Variants in FBXL16 observed in about 807,000 individuals in gnomAD.
The protein encoded by FBXL16 is F-box/LRR-repeat protein 16.
A neutral mutation model predicts 36.7 loss-of-function variants in FBXL16; 7 were observed. The ratio of observed to expected loss-of-function variants is 0.19; its 90% CI spans 0.11 to 0.36. The LOEUF is 0.36. Ranked by LOEUF, FBXL16 falls within the 10% of genes least tolerant of loss-of-function variation. FBXL16 has a pLI of 1.00. For synonymous variants in FBXL16, 355 were observed against 308.7 expected, an observed-to-expected ratio of 1.15 and a Z score of -1.57; for missense variants, 463 against 659.4, an observed-to-expected ratio of 0.70 and a Z score of 3.26.
intron 1 of FBXL16, among the ~76,000 whole-genome samples, chr16:701,615 C>G (rs111287434): frequency 1.3e-5 from 2 of 151,996 alleles, no homozygotes; most frequent in Non-Finnish European, 2.9e-5. Context: ...GCCCCACCCA[C>G]CCAGCCAGAC....
intron 1 of FBXL16, among the ~76,000 whole-genome samples, chr16:703,317 C>G (rs2040069847): frequency 6.6e-6 from 1 of 152,216 alleles, no homozygotes; most frequent in African/African-American, 2.4e-5. Flanking sequence ...ACCTCCTCAC[C>G]CCTCAGCGCC....
Position 695,735 on chromosome 16 carries a change from G to T in FBXL16, c.822C>A (p.Ser274Arg). 6.2e-7 allele frequency: 1 copy of T among 1,603,126 alleles called. No individual in the cohort carries two copies. Residue 274 changes from serine (S) to arginine (R), a missense_variant, in exon 3 of 6, where the codon AGC becomes AGA. This residue lies in a region of FBXL16 where 66 missense variants were observed against 146.3 expected (regional missense o/e 0.45). Coordinates refer to ENST00000397621, the MANE Select transcript of FBXL16 (RefSeq NM_153350.4). ...SQLLPNLAEL[S>R]LQAYHVTDTA... Reference sequence around the variant, plus strand: ...TGTCCGTCACGTGGTAGGCCTGCAGGCTCAGCTCCGCCAGGTTGGGCAGCA... The same window carrying T: ...TGTCCGTCACGTGGTAGGCCTGCAGTCTCAGCTCCGCCAGGTTGGGCAGCA...
chr16:704,816 GGC>G (rs1253792319), intron 1 of FBXL16, among the ~76,000 whole-genome samples: 1 of 152,240 alleles, frequency 6.6e-6, no homozygotes, highest in Non-Finnish European at 1.5e-5. Context: ...GGCCTGGAGT[GGC>G]CGCTGGGCCG....
At chr16:698,671 C>T (rs1161826017) in intron 1 of FBXL16, among the ~76,000 whole-genome samples, 1 of 152,112 alleles carries the variant, frequency 6.6e-6, no homozygotes, top group Non-Finnish European at 1.5e-5. Flanking sequence ...AATTCTAGCA[C>T]TTTGGGAGGC....
intron 1 of FBXL16, among the ~76,000 whole-genome samples, chr16:704,549 G>A (rs935163323): frequency 2.0e-5 from 3 of 152,220 alleles, no homozygotes; most frequent in Non-Finnish European, 4.4e-5. Flanking sequence ...GCCCTGGTCC[G>A]GGAGACAGAA....
intron 1 of FBXL16, among the ~76,000 whole-genome samples, chr16:701,459 A>G (rs932797510): frequency 6.6e-6 from 1 of 152,206 alleles, no homozygotes; most frequent in Non-Finnish European, 1.5e-5. Context: ...CCGTAGCTCA[A>G]AAATGCAAAC....
chr16:695,366 G>C lies in FBXL16; in HGVS notation c.1142+49C>G, dbSNP rs536009239. On this transcript the variant is annotated intron_variant, in intron 3 of 5. Coordinates refer to ENST00000397621, the MANE Select transcript of FBXL16 (RefSeq NM_153350.4). ...GCAGCCCCGCCCCGCCCCGCCCCGT[G>C]CAGCCCCGCCCGGCCCAGCCCCGCC... 5.9e-4 allele frequency: 787 copies of C among 1,326,738 alleles called. 2 individuals carry two copies. The highest frequency in any genetic ancestry group is 2.7e-3 in the Middle Eastern group (9 of 3,394). 82.2% of individuals were successfully genotyped at this position (1,326,738 alleles called of 1,614,324 possible).
At chr16:702,267 TC>T (rs1415447071) in intron 1 of FBXL16, among the ~76,000 whole-genome samples, 2 of 152,018 alleles carry the variant, frequency 1.3e-5, no homozygotes, top group African/African-American at 4.8e-5. Context: ...CACACGCCGT[TC>T]CCCCTGCTTG....
intron 1 of FBXL16, among the ~76,000 whole-genome samples, chr16:704,673 C>T (rs1485009079): frequency 6.6e-6 from 1 of 151,584 alleles, no homozygotes; most frequent in African/African-American, 2.4e-5. Context: ...GCCTGAGCTG[C>T]CCCTGGCCAT....
At position 697,334 on chromosome 16, in the gene FBXL16, C is replaced by T. The variant is rs377059129; in HGVS notation, c.72G>A (p.Pro24=). 65 of 1,535,632 alleles carry T rather than the reference C, an allele frequency of 4.2e-5. No individual in the cohort carries two copies. The East Asian group carries it at 1.0e-3, about 24-fold the overall frequency. ...CCGCACCCAGGCCGTTGGGCTGGCC[C>T]GGCAGCTTCACCAGACCGTTTCGAG... ...CLPRNGLVKL[P]GQPNGLGAAS... is the part of the protein sequence containing the mutation. Residue 24 remains proline, a synonymous_variant, in exon 2 of 6, where the codon CCG becomes CCA. Coordinates refer to ENST00000397621, the MANE Select transcript of FBXL16 (RefSeq NM_153350.4). This position sits in a 1 kb window ranked among gnomAD's most constrained non-coding sequence, Gnocchi z 4.6.
chr16:694,918 A>T (rs906930459), intron 4 of FBXL16, 74 bp downstream of exon 4: 116 of 1,419,280 alleles, frequency 8.2e-5, no homozygotes, highest in Non-Finnish European at 7.3e-5. Context: ...CCAGGATCTG[A>T]GTGGGGCCGG....
intron 1 of FBXL16, among the ~76,000 whole-genome samples, chr16:701,589 C>T (rs573822450): frequency 4.6e-5 from 7 of 152,190 alleles, no homozygotes; most frequent in Non-Finnish European, 7.3e-5. Flanking sequence ...GGCCCCTCTG[C>T]TTGGCCCTGG....
intron 2 of FBXL16, 165 bp from the exon 3 acceptor site, chr16:696,088 G>T: frequency 9.5e-7 from 1 of 1,053,422 alleles, no homozygotes; most frequent in Admixed American, 3.1e-5. Context: ...GCCAGGGCAG[G>T]TGCTGGGGGC....
chr16:697,213 A>G lies in FBXL16; in HGVS notation c.193T>C (p.Ser65Pro). Residue 65 changes from serine (S) to proline (P), a missense_variant, in exon 2 of 6, where the codon TCC (serine) becomes CCC (proline). Physicochemically the swap from Ser to Pro is moderately conservative, Grantham distance 74. Around this residue, in one of 3 missense-constraint regions of FBXL16, gnomAD observed 263 missense variants for 341.1 expected, o/e 0.77. Coordinates refer to ENST00000397621, the MANE Select transcript of FBXL16 (RefSeq NM_153350.4). This position sits in a 1 kb window ranked among gnomAD's most constrained non-coding sequence, Gnocchi z 4.6. ...LPPPSLAAPL[S>P]RAALAGGPCT... ...GGGCCCCCAGCCAGGGCAGCCCGGGACAGTGGAGCAGCCAGGCTGGGTGGT... is the reference window on the plus strand; with the variant it reads ...GGGCCCCCAGCCAGGGCAGCCCGGGGCAGTGGAGCAGCCAGGCTGGGTGGT... 1 of 1,240,584 alleles carries G rather than the reference A, an allele frequency of 8.1e-7. No individual in the cohort carries two copies. The highest frequency in any genetic ancestry group is 1.3e-5 in the South Asian group (1 of 75,212). 76.8% of individuals were successfully genotyped at this position (1,240,584 alleles called of 1,614,324 possible).
chr16:694,194 C>T lies in FBXL16; in HGVS notation c.*81G>A. 1 of 1,041,986 alleles carries T rather than the reference C, an allele frequency of 9.6e-7. No homozygotes were observed. The highest frequency in any genetic ancestry group is 1.2e-6 in the Non-Finnish European group (1 of 811,310). 64.5% of individuals were successfully genotyped at this position (1,041,986 alleles called of 1,614,324 possible). A position where few individuals can be genotyped will look rare whatever the true frequency, so the allele number is the denominator to read the frequency against. On this transcript the variant is annotated 3_prime_UTR_variant, in exon 6 of 6. Coordinates refer to ENST00000397621, the MANE Select transcript of FBXL16 (RefSeq NM_153350.4). ...CGCGGGGGCTCCCCCGAGCGCAAGGCGGGAAGAGGGGGCTCGGCGGCGCCC... is the reference window on the plus strand; with the variant it reads ...CGCGGGGGCTCCCCCGAGCGCAAGGTGGGAAGAGGGGGCTCGGCGGCGCCC...
chr16:704,768 A>G (rs890512694), intron 1 of FBXL16, among the ~76,000 whole-genome samples: 3 of 152,134 alleles, frequency 2.0e-5, no homozygotes, highest in Non-Finnish European at 4.4e-5. Context: ...CCTCCTGCGG[A>G]GGGCAGGCTG....
chr16:703,546 G>T (rs1204597093), intron 1 of FBXL16, among the ~76,000 whole-genome samples: 1 of 152,232 alleles, frequency 6.6e-6, no homozygotes, highest in Non-Finnish European at 1.5e-5. Context: ...TGACAGCTGG[G>T]GTGGCTGGGG....
intron 1 of FBXL16, among the ~76,000 whole-genome samples, chr16:702,391 G>A (rs765590240): frequency 2.0e-5 from 3 of 152,174 alleles, no homozygotes; most frequent in East Asian, 1.9e-4. Flanking sequence ...TTGAGAAAGC[G>A]TCTCCAGGGT....
At position 697,426 on chromosome 16, in the gene FBXL16, A is replaced by T; in HGVS notation, c.-14-7T>A. On this transcript the variant is annotated splice_region_variant and splice_polypyrimidine_tract_variant and intron_variant, in intron 1 of 5. Transcript: ENST00000397621. This position sits in a 1 kb window ranked among gnomAD's most constrained non-coding sequence, Gnocchi z 4.6. ...GACATCTTCCTGGCACGCTCTGTGGATGAGGGCCGGGAGGGGGAGTGAGTC... is the reference window on the plus strand; with the variant it reads ...GACATCTTCCTGGCACGCTCTGTGGTTGAGGGCCGGGAGGGGGAGTGAGTC... The T allele has an allele frequency of 6.6e-7, 1 of 1,523,226 alleles. No individual in the cohort carries two copies. The highest frequency in any genetic ancestry group is 8.8e-7 in the Non-Finnish European group (1 of 1,140,190). 94.4% of individuals were successfully genotyped at this position (1,523,226 alleles called of 1,614,324 possible).
Sources: allele counts gnomAD v4.1 joint callset (sites outside exome capture counted in the v4.1 genomes callset), GRCh38; gene constraint gnomAD v4.1.1; regional missense constraint gnomAD v4.1.1; non-coding constraint Gnocchi (gnomAD v3.1); transcripts MANE v1.5; gene names NCBI Gene and HGNC (gene_info 2026-07-23, HGNC 2026-07-21).